Variants in RAB9B observed in about 807,000 individuals in gnomAD.
RAB9B encodes RAB9B, member RAS oncogene family, also known as ras-related protein Rab-9B.
RAB9B carries 1 observed loss-of-function variant against 8.9 expected under a neutral mutation model. That is an observed-to-expected ratio of 0.11 (90% CI 0.04 to 0.53). The LOEUF is 0.53. RAB9B is among the 20% of genes least tolerant of loss of function. The pLI, the probability that RAB9B is intolerant of heterozygous loss-of-function variation, is 0.93. For missense variants in RAB9B, 82 were observed against 152.9 expected, an observed-to-expected ratio of 0.54 and a Z score of 2.45; for synonymous variants, 63 against 57.0, an observed-to-expected ratio of 1.10 and a Z score of -0.47.
chrX:103,779,139 G>T, the RAB9B span, among the ~76,000 whole-genome samples: 2 of 112,540 alleles, frequency 1.8e-5, no homozygotes, highest in Non-Finnish European at 1.9e-5. Flanking sequence ...AATGTTCCAA[G>T]TGAGTCTTTG....
the RAB9B span, chrX:103,776,409 G>A: frequency 8.9e-6 from 1 of 111,997 alleles, no homozygotes; most frequent in Admixed American, 9.5e-5. Context: ...AGAGGGCCAA[G>A]GGCAGCTAGG....
chrX:103,820,983 T>TACAC (rs1191042577), downstream of RAB9B, among the ~76,000 whole-genome samples: 219 of 20,964 alleles, frequency 0.01, 4 homozygotes, highest in Middle Eastern at 0.033. Flanking sequence ...CACACACACA[T>TACAC]ACACACACAC....
Position 103,824,561 on chromosome X carries a change from C to T in RAB9B, c.*618G>A, listed in dbSNP as rs1206375558. On this transcript the variant is annotated 3_prime_UTR_variant, in exon 3 of 3. Coordinates refer to ENST00000243298, the MANE Select transcript of RAB9B (RefSeq NM_016370.4). Reference sequence around the variant, plus strand: ...AATTGCCAGTGTCATTAGAGTATCTCTTATTGAGATGGGATTTTTTGAAAA... The same window carrying T: ...AATTGCCAGTGTCATTAGAGTATCTTTTATTGAGATGGGATTTTTTGAAAA... The T allele has an allele frequency of 8.9e-6, 1 of 112,119 alleles. No homozygotes were observed. The highest frequency in any genetic ancestry group is 1.9e-5 in the Non-Finnish European group (1 of 53,253). The allele number at this position is 112,119 out of a possible 1,213,427, so 9.2% of individuals were successfully genotyped here.
chrX:103,813,110 A>T, the RAB9B span, among the ~76,000 whole-genome samples: 1 of 109,042 alleles, frequency 9.2e-6, no homozygotes, highest in Non-Finnish European at 1.9e-5. Context: ...TTTAGTAGAG[A>T]CGGGGTTTCA....
downstream of RAB9B, among the ~76,000 whole-genome samples, chrX:103,817,348 C>T (rs527315635): frequency 9.0e-6 from 1 of 110,978 alleles, no homozygotes; most frequent in East Asian, 2.8e-4. Flanking sequence ...CCAAACGCCG[C>T]ATGTTCTTAC....
downstream of RAB9B, among the ~76,000 whole-genome samples, chrX:103,817,464 GA>G (rs2074643773): frequency 9.1e-6 from 1 of 110,220 alleles, no homozygotes; most frequent in African/African-American, 3.3e-5. Context: ...AACATTAGGA[GA>G]ACTACCTAAT....
the RAB9B span, among the ~76,000 whole-genome samples, chrX:103,801,205 G>A: frequency 9.0e-6 from 1 of 110,533 alleles, no homozygotes; most frequent in East Asian, 2.9e-4. Context: ...CAGTGTTCCA[G>A]CACCCCATTC....
At chrX:103,785,141 T>C in the RAB9B span, among the ~76,000 whole-genome samples, 1 of 110,858 alleles carries the variant, frequency 9.0e-6, no homozygotes, top group Non-Finnish European at 1.9e-5. Context: ...AATGGCGCAA[T>C]CTTGGCTCAC....
the RAB9B span, chrX:103,786,436 T>C: frequency 1.7e-6 from 2 of 1,199,059 alleles, no homozygotes; most frequent in Non-Finnish European, 2.3e-6. Context: ...TAAGATTCCC[T>C]GGTCTCGTTT....
At position 103,825,106 on chromosome X, in the gene RAB9B, CT is replaced by C; in HGVS notation, c.*72del. On this transcript the variant is annotated 3_prime_UTR_variant, in exon 3 of 3. Transcript: ENST00000243298. ...CCTCTTGTGTGCGTGTGTGTGCACT[CT>C]TAGAGGGGCACAGTTATTCTTACAC... 1.8e-6 allele frequency: 2 copies of C among 1,083,537 alleles called. No homozygotes were observed. The highest frequency in any genetic ancestry group is 5.2e-5 in the Admixed American group (2 of 38,283). The allele number at this position is 1,083,537 out of a possible 1,213,427, so 89.3% of individuals were successfully genotyped here. A position where few individuals can be genotyped will look rare whatever the true frequency, so the allele number is the denominator to read the frequency against.
At chrX:103,830,523 C>A (rs1012670474) in intron 1 of RAB9B, among the ~76,000 whole-genome samples, 13 of 111,867 alleles carry the variant, frequency 1.2e-4, no homozygotes, top group African/African-American at 4.2e-4. Flanking sequence ...CTGACTCTAA[C>A]TGAGTAAAAT....
At chrX:103,826,970 C>T (rs2074685704) in intron 2 of RAB9B, 35 bp downstream of exon 2, 1 of 111,312 alleles carries the variant, frequency 9.0e-6, no homozygotes, top group African/African-American at 3.3e-5. Flanking sequence ...ATTAAAATAT[C>T]CCAAATCCAC....
At chrX:103,777,255 A>G in the RAB9B span, among the ~76,000 whole-genome samples, 4 of 111,313 alleles carry the variant, frequency 3.6e-5, no homozygotes, top group African/African-American at 1.3e-4. Context: ...AGCTGGATGG[A>G]TGTGGTCATG....
At chrX:103,809,579 C>T in the RAB9B span, among the ~76,000 whole-genome samples, 3 of 112,319 alleles carry the variant, frequency 2.7e-5, no homozygotes, top group Non-Finnish European at 5.6e-5. Context: ...GGATTACAGG[C>T]GTGACCCACC....
rs2074669564 is a variant in RAB9B, at chrX:103,823,233, T to C, written c.*1946A>G. 1 of 111,768 alleles carries C rather than the reference T, an allele frequency of 8.9e-6. No homozygotes were observed. Among genetic ancestry groups the C allele is most frequent in the Non-Finnish European group, 1.9e-5 (1 of 53,163 alleles). The allele number at this position is 111,768 out of a possible 1,213,427, so 9.2% of individuals were successfully genotyped here. ...GATTGTAGCAAAATGATCACAGAACTTGGAAACCAGTGTGGCTGGCTATAG... is the reference window on the plus strand; with the variant it reads ...GATTGTAGCAAAATGATCACAGAACCTGGAAACCAGTGTGGCTGGCTATAG... On this transcript the variant is annotated 3_prime_UTR_variant, in exon 3 of 3. Coordinates refer to ENST00000243298, the MANE Select transcript of RAB9B (RefSeq NM_016370.4).
the RAB9B span, chrX:103,789,252 A>G: frequency 1.4e-6 from 1 of 728,368 alleles, no homozygotes; most frequent in Non-Finnish European, 2.2e-6. Context: ...CAACACATTC[A>G]GAAAGCTGTA....
At chrX:103,799,940 G>A in the RAB9B span, among the ~76,000 whole-genome samples, 2 of 111,400 alleles carry the variant, frequency 1.8e-5, no homozygotes, top group African/African-American at 3.3e-5. Context: ...ACCCCCAAGA[G>A]GACAGAGGAC....
At chrX:103,790,411 T>C in the RAB9B span, 1 of 614,685 alleles carries the variant, frequency 1.6e-6, no homozygotes, top group East Asian at 3.2e-5. Flanking sequence ...AGAGCATGGG[T>C]TTTTCCCTTA....
chrX:103,796,929 A>C, the RAB9B span, among the ~76,000 whole-genome samples: 2 of 98,939 alleles, frequency 2.0e-5, no homozygotes, highest in African/African-American at 7.4e-5. Context: ...CTGGAGGCTG[A>C]GGTGGGAGTA....
Sources: gnomAD v4.1 joint callset for allele counts (sites outside exome capture counted in the v4.1 genomes callset) on GRCh38, gnomAD v4.1.1 for gene constraint, MANE v1.5 for transcripts, NCBI Gene and HGNC (gene_info 2026-07-23, HGNC 2026-07-21) for gene names.